COL9A3: variants seen among roughly 807,000 people sequenced by gnomAD.
COL9A3 encodes the protein collagen alpha-3(IX) chain.
COL9A3 carries 82 observed loss-of-function variants against 110.2 expected under a neutral mutation model. That is an observed-to-expected ratio of 0.74 (90% confidence interval 0.62 to 0.89). The LOEUF (loss-of-function observed/expected upper bound fraction) is 0.89. Among genes scored for constraint, COL9A3 ranks in the 40% least tolerant of loss-of-function variants. COL9A3 has a pLI of 0.00. For missense variants in COL9A3, 1,066 were observed against 981.3 expected, an observed-to-expected ratio of 1.09 and a Z score of -1.15; for synonymous variants, 494 against 403.8, an observed-to-expected ratio of 1.22 and a Z score of -2.68.
intron 17 of COL9A3, 119 bp downstream of exon 17, chr20:62,828,095 T>G (rs2063568971): frequency 9.3e-7 from 1 of 1,072,248 alleles, no homozygotes; most frequent in Admixed American, 1.9e-5. Flanking sequence ...TCTTGAAATC[T>G]GGGTTAACGG....
At chr20:62,839,552 T>C (rs2063658540) in intron 31 of COL9A3, among the ~76,000 whole-genome samples, 1 of 150,774 alleles carries the variant, frequency 6.6e-6, no homozygotes, top group Admixed American at 6.6e-5. Context: ...TCCCGAACAG[T>C]CTTCGAGAAG....
chr20:62,817,967 G>C, intron 2 of COL9A3: 2 of 419,596 alleles, frequency 4.8e-6, no homozygotes, highest in Admixed American at 7.0e-5. Flanking sequence ...GGGTGGTTGG[G>C]GGCCGGGGGT....
At chr20:62,840,270 C>A (rs537532930) in intron 31 of COL9A3, among the ~76,000 whole-genome samples, 1 of 152,080 alleles carries the variant, frequency 6.6e-6, no homozygotes, top group African/African-American at 2.4e-5. Context: ...CAGCCCCCAC[C>A]AAACCCGCGT....
intron 9 of COL9A3, 78 bp from the exon 10 acceptor site, chr20:62,822,511 CAG>C: frequency 2.6e-6 from 3 of 1,171,368 alleles, no homozygotes; most frequent in East Asian, 1.0e-4. Context: ...TGTGGTCCGT[CAG>C]AGAGTGGGTG....
rs1484387925 is a variant in COL9A3 at position 62,841,043 on chromosome 20, TTGTG to T, written c.*313_*316del. 5.0e-5 allele frequency: 18 copies of T among 361,484 alleles called. No homozygotes were observed. The Admixed American group carries it at 7.7e-4, about 16-fold the overall frequency. The allele number at this position is 361,484 out of a possible 1,614,324, so 22.4% of individuals were successfully genotyped here. A position where few individuals can be genotyped will look rare whatever the true frequency, so the allele number is the denominator to read the frequency against. On this transcript the variant is annotated 3_prime_UTR_variant, in exon 32 of 32. Transcript: ENST00000649368. ...ATTCAGTAACTTGTTTACATAGCAT[TTGTG>T]TAAAGACTATGATCTCATCCCAATA...
intron 10 of COL9A3, among the ~76,000 whole-genome samples, chr20:62,823,917 A>G (rs185474161): frequency 1.4e-3 from 209 of 152,342 alleles, no homozygotes; most frequent in African/African-American, 4.6e-3. Context: ...GCACTTGGCC[A>G]GTGCTGAAGG....
chr20:62,817,445 G>T (rs991504269), intron 1 of COL9A3, 122 bp from the exon 2 acceptor site: 19 of 710,012 alleles, frequency 2.7e-5, no homozygotes, highest in Non-Finnish European at 4.2e-5. Context: ...GAGGCTTTGG[G>T]TCTCACCGAG....
At chr20:62,825,409 T>A (rs1337173545) in intron 12 of COL9A3, 2 of 340,254 alleles carry the variant, frequency 5.9e-6, no homozygotes, top group Admixed American at 9.0e-5. Context: ...GCCTGTAGCC[T>A]CCCCTCACCT....
chr20:62,821,243 C>T (rs749344072), intron 6 of COL9A3, 27 bp downstream of exon 6: 2 of 1,610,270 alleles, frequency 1.2e-6, no homozygotes, highest in Non-Finnish European at 8.5e-7. Context: ...GTCCTCTCCT[C>T]TCCATGGGAG....
At chr20:62,835,346 AGAG>A (rs1273683877) in intron 26 of COL9A3, among the ~76,000 whole-genome samples, 1 of 152,226 alleles carries the variant, frequency 6.6e-6, no homozygotes, top group Non-Finnish European at 1.5e-5. Context: ...AGAAGGGCCA[AGAG>A]GAGGTGCCAG....
intron 8 of COL9A3, 87 bp downstream of exon 8, chr20:62,821,897 T>C: frequency 1.2e-6 from 1 of 814,614 alleles, no homozygotes; most frequent in African/African-American, 1.7e-5. Context: ...CCTTCCCCTC[T>C]CCCTTTTCCC....
At chr20:62,819,129 G>C (rs1991033398) in intron 3 of COL9A3, 93 bp from the exon 4 acceptor site, 3 of 1,253,586 alleles carry the variant, frequency 2.4e-6, no homozygotes, top group East Asian at 2.4e-5. Flanking sequence ...TGGTTGGGCT[G>C]GGGGGAAGTG....
rs781035806 is a variant in COL9A3 at position 62,837,178 on chromosome 20, C to T, written c.1699C>T (p.Pro567Ser). 38 of 1,612,578 alleles carry T rather than the reference C, an allele frequency of 2.4e-5. No homozygotes were observed. Among genetic ancestry groups the T allele is most frequent in the Non-Finnish European group, 3.2e-5 (38 of 1,179,840 alleles). ...GPAGPPGPPG[P>S]PGSIGHPGAR... Reference sequence around the variant, plus strand: ...AGCTGGCCCCCCTGGGCCCCCAGGACCCCCAGGCTCCATTGGTCACCCTGG... The same window carrying T: ...AGCTGGCCCCCCTGGGCCCCCAGGATCCCCAGGCTCCATTGGTCACCCTGG... The change falls in exon 30 of 32, where the codon CCC becomes TCC. Residue 567 changes from proline to serine, a missense_variant. Transcript: ENST00000649368.
chr20:62,818,711 G>A (rs1416397439), intron 3 of COL9A3, among the ~76,000 whole-genome samples, 158 bp downstream of exon 3: 2 of 152,234 alleles, frequency 1.3e-5, no homozygotes, highest in Admixed American at 6.5e-5. Context: ...GAGCCAGCGG[G>A]GCGGGAGGGG....
chr20:62,827,399 G>A (rs1568755865), intron 16 of COL9A3, 105 bp downstream of exon 16: 2 of 1,227,754 alleles, frequency 1.6e-6, no homozygotes, highest in African/African-American at 1.5e-5. Context: ...GAGACTGCAA[G>A]GGGCTGCCTG....
chr20:62,824,392 G>A (rs912868144), intron 10 of COL9A3, 53 bp from the exon 11 acceptor site: 159 of 1,545,428 alleles, frequency 1.0e-4, no homozygotes, highest in Non-Finnish European at 1.3e-4. Context: ...CCCTGCGTCG[G>A]ACGTCCTGCT....
intron 17 of COL9A3, 106 bp from the exon 18 acceptor site, chr20:62,828,658 G>A (rs982729367): frequency 1.6e-6 from 2 of 1,289,808 alleles, no homozygotes; most frequent in African/African-American, 2.9e-5. Flanking sequence ...TGTGGGGGCA[G>A]ACACAGTTTT....
At chr20:62,817,782 G>A (rs1990982983) in intron 2 of COL9A3, 147 bp downstream of exon 2, 18 of 650,270 alleles carry the variant, frequency 2.8e-5, no homozygotes, top group South Asian at 2.5e-4. Flanking sequence ...GTGCCTTCAC[G>A]GGATGGGGGT....
intron 30 of COL9A3, 113 bp downstream of exon 30, chr20:62,837,378 AAC>A: frequency 1.8e-6 from 2 of 1,134,644 alleles, no homozygotes; most frequent in South Asian, 2.6e-5. Context: ...TAACCCCTGG[AAC>A]GTGGGGGCCT....
Sources: allele counts gnomAD v4.1 joint callset (sites outside exome capture counted in the v4.1 genomes callset), GRCh38; gene constraint gnomAD v4.1.1; transcripts MANE v1.5; gene names NCBI Gene and HGNC (gene_info 2026-07-23, HGNC 2026-07-21).